The following RASGEF1B variants were observed in gnomAD, a reference collection of about 807,000 sequenced individuals.
The protein encoded by RASGEF1B is ras-GEF domain-containing family member 1B.
In RASGEF1B, 30 loss-of-function variants were observed where a neutral mutation model predicts 65.7. That is an observed-to-expected ratio of 0.46 (90% CI 0.34 to 0.62). RASGEF1B has a LOEUF of 0.62. RASGEF1B is among the 20% of genes least tolerant of loss of function. RASGEF1B has a pLI of 0.01. For missense variants in RASGEF1B, 495 were observed against 580.1 expected (o/e 0.85, Z 1.51); for synonymous variants, 175 against 194.8 (o/e 0.90, Z 0.85).
Position 81,432,283 on chromosome 4 carries a change from G to A in RASGEF1B, c.1397+16C>T. 1.9e-6 allele frequency: 3 copies of A among 1,559,020 alleles called. No individual in the cohort carries two copies. Among genetic ancestry groups the A allele is most frequent in the Non-Finnish European group, 2.6e-6 (3 of 1,133,094 alleles). ...TTCCTTCAGACTTGTGCAGCAATGA[G>A]AAGAATGAGACCCACCTTAAAGACT... On this transcript the variant is annotated intron_variant, in intron 13 of 13. Transcript: ENST00000264400.
chr4:81,429,952 T>C (rs112761125), intron 13 of RASGEF1B, among the ~76,000 whole-genome samples: 5,643 of 152,212 alleles, frequency 0.037, 143 homozygotes, highest in Middle Eastern at 0.11. Flanking sequence ...GGCCACTGAG[T>C]GGCCCCACTC....
intron 1 of RASGEF1B, among the ~76,000 whole-genome samples, chr4:81,465,930 G>T (rs561231180): frequency 1.8e-3 from 279 of 152,262 alleles, no homozygotes; most frequent in African/African-American, 5.7e-3. Context: ...GAAAAAAAAG[G>T]TTTATTTTTT....
At chr4:81,439,997 T>C (rs1721779945) in intron 10 of RASGEF1B, among the ~76,000 whole-genome samples, 1 of 152,226 alleles carries the variant, frequency 6.6e-6, no homozygotes, top group Non-Finnish European at 1.5e-5. Context: ...CGAACCTTTT[T>C]CAGGGGACGT....
chr4:81,466,340 G>A (rs773619985), intron 1 of RASGEF1B, among the ~76,000 whole-genome samples: 14 of 152,068 alleles, frequency 9.2e-5, no homozygotes, highest in East Asian at 3.8e-4. Context: ...GTCTCCTTTC[G>A]CCCTGCTAGA....
rs752355463 is a variant in RASGEF1B, at chr4:81,427,764, T to C, written c.*4A>G. 10 of 1,613,962 alleles carry C rather than the reference T, an allele frequency of 6.2e-6. No homozygotes were observed. Among genetic ancestry groups the C allele is most frequent in the Non-Finnish European group, 1.7e-6 (2 of 1,180,004 alleles). Reference sequence around the variant, plus strand: ...AGCAGCAGCAGGCAGGCAGCTCCCATGTGTTAAACTCTGCCTAAGAGGCTC... The same window carrying C: ...AGCAGCAGCAGGCAGGCAGCTCCCACGTGTTAAACTCTGCCTAAGAGGCTC... On this transcript the variant is annotated 3_prime_UTR_variant, in exon 14 of 14. Transcript: ENST00000264400.
intron 12 of RASGEF1B, 40 bp from the exon 13 acceptor site, chr4:81,432,411 T>G: frequency 7.8e-7 from 1 of 1,286,682 alleles, no homozygotes; most frequent in East Asian, 2.3e-5. Context: ...CATTAAAGCC[T>G]TCTCCTGATA....
chr4:81,444,086 C>T (rs951039205), intron 8 of RASGEF1B, among the ~76,000 whole-genome samples: 9 of 152,170 alleles, frequency 5.9e-5, no homozygotes, highest in Admixed American at 5.2e-4. Context: ...AGTATCCTCT[C>T]GCATGACAAA....
chr4:81,427,650 C>A lies in RASGEF1B; in HGVS notation c.*118G>T. On this transcript the variant is annotated 3_prime_UTR_variant, in exon 14 of 14. Coordinates refer to ENST00000264400, the MANE Select transcript of RASGEF1B (RefSeq NM_152545.3). ...CTTGTGTGCTTTGCTGACCCGGGTG[C>A]TCCAATGACTGCAGGGTCTTCATGA... 8.9e-7 allele frequency: 1 copy of A among 1,124,182 alleles called. No individual in the cohort carries two copies. The highest frequency in any genetic ancestry group is 1.6e-5 in the African/African-American group (1 of 63,702). 69.6% of individuals were successfully genotyped at this position (1,124,182 alleles called of 1,614,324 possible).
At chr4:81,458,224 T>C (rs1722517942) in intron 2 of RASGEF1B, among the ~76,000 whole-genome samples, 1 of 152,228 alleles carries the variant, frequency 6.6e-6, no homozygotes, top group African/African-American at 2.4e-5. Flanking sequence ...ATACTTTTCT[T>C]TAACCACATT....
intron 1 of RASGEF1B, among the ~76,000 whole-genome samples, chr4:81,461,995 C>T (rs1470480741): frequency 1.3e-5 from 2 of 152,178 alleles, no homozygotes; most frequent in Admixed American, 1.3e-4. Context: ...GAATCAGCAC[C>T]AAAAGCTACC....
chr4:81,431,788 C>T (rs1018196457), intron 13 of RASGEF1B, among the ~76,000 whole-genome samples: 7 of 152,164 alleles, frequency 4.6e-5, no homozygotes, highest in African/African-American at 1.7e-4. Context: ...TTTCTTCAAA[C>T]ATACTCATAG....
At chr4:81,464,168 T>C (rs1722733196) in intron 1 of RASGEF1B, among the ~76,000 whole-genome samples, 1 of 152,208 alleles carries the variant, frequency 6.6e-6, no homozygotes, top group Non-Finnish European at 1.5e-5. Flanking sequence ...CTCTTTACAC[T>C]TTGCAACACA....
intron 8 of RASGEF1B, 81 bp downstream of exon 8, chr4:81,445,441 AAACC>A: frequency 1.0e-6 from 1 of 992,832 alleles, no homozygotes; most frequent in African/African-American, 1.6e-5. Context: ...TGTACTAACA[AAACC>A]ATACTATTTG....
At chr4:81,432,454 C>A in intron 12 of RASGEF1B, 83 bp from the exon 13 acceptor site, 2 of 826,880 alleles carry the variant, frequency 2.4e-6, no homozygotes, top group Admixed American at 4.0e-5. Context: ...TCGACTTGAG[C>A]CAAACTCCAT....
intron 4 of RASGEF1B, chr4:81,455,193 T>A (rs571996666): frequency 1.3e-5 from 2 of 152,362 alleles, no homozygotes; most frequent in South Asian, 4.1e-4. Flanking sequence ...TTCCAGCACT[T>A]TGGGAGGCCA....
At chr4:81,442,768 G>A (rs191706295) in intron 8 of RASGEF1B, among the ~76,000 whole-genome samples, 69 of 152,304 alleles carry the variant, frequency 4.5e-4, no homozygotes, top group African/African-American at 1.6e-3. Flanking sequence ...TATGTACACT[G>A]AAATCTGAAT....
At chr4:81,438,369 C>T (rs561296714) in intron 10 of RASGEF1B, among the ~76,000 whole-genome samples, 1 of 152,206 alleles carries the variant, frequency 6.6e-6, no homozygotes, top group African/African-American at 2.4e-5. Flanking sequence ...AGGCTGGTCT[C>T]GAACTCCTGA....
intron 8 of RASGEF1B, among the ~76,000 whole-genome samples, chr4:81,445,140 ATG>A (rs903455521): frequency 6.6e-6 from 1 of 152,218 alleles, no homozygotes; most frequent in Non-Finnish European, 1.5e-5. Flanking sequence ...CAGTTAGAAA[ATG>A]TACCAGTTTC....
chr4:81,455,170 C>T (rs949015062), intron 4 of RASGEF1B: 2 of 152,252 alleles, frequency 1.3e-5, no homozygotes, highest in African/African-American at 4.8e-5. Context: ...GGTGCAGTGA[C>T]TCACACCTGT....
Sources: allele counts gnomAD v4.1 joint callset (sites outside exome capture counted in the v4.1 genomes callset), GRCh38; gene constraint gnomAD v4.1.1; transcripts MANE v1.5; gene names NCBI Gene and HGNC (gene_info 2026-07-23, HGNC 2026-07-21).